ZNF407: variants seen among roughly 807,000 people sequenced by gnomAD.
The protein encoded by ZNF407 is zinc finger protein 407.
ZNF407 carries 17 observed loss-of-function variants against 131.2 expected under a neutral mutation model. That is an observed-to-expected ratio of 0.13 (90% CI 0.09 to 0.19). The LOEUF is 0.19. ZNF407 is among the 10% of genes least tolerant of loss of function. ZNF407 has a pLI of 1.00. For missense variants in ZNF407, 2,681 were observed against 2,830.6 expected (o/e 0.95, Z 1.20); for synonymous variants, 1,156 against 1,062.0 (o/e 1.09, Z -1.72).
At chr18:74,781,630 T>C in intron 4 of ZNF407, 128 bp downstream of exon 4, 2 of 623,210 alleles carry the variant, frequency 3.2e-6, no homozygotes, top group South Asian at 5.9e-5. Flanking sequence ...TGGTACTCTT[T>C]TGTCAAATAT....
At chr18:74,834,649 A>G (rs1970530865) in intron 4 of ZNF407, among the ~76,000 whole-genome samples, 2 of 152,184 alleles carry the variant, frequency 1.3e-5, no homozygotes, top group African/African-American at 2.4e-5. Flanking sequence ...CCAGTCAGAT[A>G]TATTTGATGA....
rs537463419 is a variant in ZNF407, at chr18:74,676,587, C to T, written c.4802+35465C>T. Reference sequence around the variant, plus strand: ...GAGTAGCTGGGACTACAGGCGCCCACCACCGTGCCCGGGTAATTTTGTATT... The same window carrying T: ...GAGTAGCTGGGACTACAGGCGCCCATCACCGTGCCCGGGTAATTTTGTATT... On this transcript the variant is annotated intron_variant, in intron 3 of 8. Coordinates refer to ENST00000299687, the MANE Select transcript of ZNF407 (RefSeq NM_017757.3). Among the ~76,000 whole-genome samples the T allele has an allele frequency of 5.7e-3, 856 of 150,386 alleles. 7 individuals are homozygous for T. The highest frequency in any genetic ancestry group is 0.027 in the South Asian group (125 of 4,684).
At chr18:74,960,035 G>A (rs1972321030) in intron 8 of ZNF407, among the ~76,000 whole-genome samples, 1 of 152,156 alleles carries the variant, frequency 6.6e-6, no homozygotes, top group Non-Finnish European at 1.5e-5. Flanking sequence ...TTTTCTAGTG[G>A]CTTTATATTC....
intron 8 of ZNF407, among the ~76,000 whole-genome samples, chr18:75,007,756 A>G (rs1040203882): frequency 2.0e-5 from 3 of 152,198 alleles, no homozygotes; most frequent in African/African-American, 7.2e-5. Context: ...CTGCCTTCAC[A>G]GAGTTCTTAA....
In ZNF407 at chr18:74,663,236, C is replaced by T. The variant is rs150417316; in HGVS notation, c.4802+22114C>T. The stretch of plus-strand genomic sequence containing the variant: ...GGAACGTCCATTTTAGATGCTTGTC[C>T]CCGGGTAGCTCTTATTTATGTGTAC... On this transcript the variant is annotated intron_variant, in intron 3 of 8. Coordinates refer to ENST00000299687, the MANE Select transcript of ZNF407 (RefSeq NM_017757.3). Among the ~76,000 whole-genome samples, 923 of 152,106 alleles carry T rather than the reference C, an allele frequency of 6.1e-3. 3 individuals carry two copies. The highest frequency in any genetic ancestry group is 9.0e-3 in the Non-Finnish European group (613 of 68,004).
intron 8 of ZNF407, among the ~76,000 whole-genome samples, chr18:75,043,181 T>TGATC (rs1728180279): frequency 6.6e-6 from 1 of 152,210 alleles, no homozygotes; most frequent in Admixed American, 6.5e-5. Flanking sequence ...GCACTTGGCA[T>TGATC]GATCGGTCTT....
intron 3 of ZNF407, among the ~76,000 whole-genome samples, chr18:74,662,164 C>A (rs957346761): frequency 4.6e-5 from 7 of 151,906 alleles, no homozygotes; most frequent in Non-Finnish European, 1.0e-4. Context: ...TCTGTGAAAC[C>A]TTTTCTGTTT....
intron 3 of ZNF407, among the ~76,000 whole-genome samples, chr18:74,780,379 A>T (rs1242040783): frequency 6.6e-6 from 1 of 152,182 alleles, no homozygotes; most frequent in Non-Finnish European, 1.5e-5. Context: ...TTACAGTCTT[A>T]TGTGGCTCAT....
chr18:74,632,933 G>A lies in ZNF407; in HGVS notation c.1914G>A (p.Lys638=), dbSNP rs1173258210. The change falls in exon 2 of 9, where the codon AAG becomes AAA. Residue 638 remains lysine, a synonymous_variant. Coordinates refer to ENST00000299687, the MANE Select transcript of ZNF407 (RefSeq NM_017757.3). ...KDVEEHKATE[K]HINSLVQPKT... is the part of the protein sequence containing the mutation. ...TGGAAGAACACAAAGCCACCGAGAA[G>A]CATATTAATTCATTGGTTCAACCAA... is the stretch of plus-strand genomic sequence containing the variant. The A allele has an allele frequency of 1.9e-6, 3 of 1,613,108 alleles. No homozygotes were observed. The highest frequency in any genetic ancestry group is 2.2e-5 in the South Asian group (2 of 91,034).
intron 8 of ZNF407, among the ~76,000 whole-genome samples, chr18:74,943,438 T>G (rs970543533): frequency 1.3e-5 from 2 of 152,192 alleles, no homozygotes; most frequent in Admixed American, 6.5e-5. Flanking sequence ...TTTCACAGTA[T>G]TTTTGAAGGG....
At chr18:74,764,025 T>C (rs555525020) in intron 3 of ZNF407, among the ~76,000 whole-genome samples, 1 of 152,154 alleles carries the variant, frequency 6.6e-6, no homozygotes, top group South Asian at 2.1e-4. Context: ...CTTTGATCTT[T>C]TGTATATAAC....
chr18:74,725,818 A>G (rs1040900483), intron 3 of ZNF407, among the ~76,000 whole-genome samples: 1 of 152,180 alleles, frequency 6.6e-6, no homozygotes, highest in Non-Finnish European at 1.5e-5. Context: ...ATTAAGCAAT[A>G]CTTGTTAATG....
chr18:74,941,180 T>C (rs960128552), intron 8 of ZNF407, among the ~76,000 whole-genome samples: 1 of 152,180 alleles, frequency 6.6e-6, no homozygotes, highest in African/African-American at 2.4e-5. Flanking sequence ...AAAACTGACA[T>C]CCAGTGGTTT....
At chr18:74,739,691 G>T (rs527532160) in intron 3 of ZNF407, among the ~76,000 whole-genome samples, 1 of 151,850 alleles carries the variant, frequency 6.6e-6, no homozygotes, top group African/African-American at 2.4e-5. Context: ...TATATGAATC[G>T]TAATTATAAG....
chr18:74,814,903 A>G (rs1970246400), intron 4 of ZNF407, among the ~76,000 whole-genome samples: 1 of 152,034 alleles, frequency 6.6e-6, no homozygotes, highest in Non-Finnish European at 1.5e-5. Flanking sequence ...TATGAAATAT[A>G]CAGTACATTT....
At chr18:74,829,447 G>A (rs896252386) in intron 4 of ZNF407, among the ~76,000 whole-genome samples, 1 of 152,152 alleles carries the variant, frequency 6.6e-6, no homozygotes, top group African/African-American at 2.4e-5. Context: ...ATCTTGGAGA[G>A]CAACTCCTGG....
intron 8 of ZNF407, among the ~76,000 whole-genome samples, chr18:75,027,818 G>C (rs891008886): frequency 6.6e-6 from 1 of 152,204 alleles, no homozygotes; most frequent in Admixed American, 6.5e-5. Context: ...CAGTATAAAA[G>C]AAGTGAAGGA....
intron 3 of ZNF407, 132 bp downstream of exon 3, chr18:74,641,254 A>G (rs2144689306): frequency 1.5e-6 from 1 of 648,054 alleles, no homozygotes; most frequent in African/African-American, 1.8e-5. Flanking sequence ...TTCCATTGTT[A>G]TGGTAAATTC....
chr18:75,041,354 T>G (rs1467959790), intron 8 of ZNF407, among the ~76,000 whole-genome samples: 1 of 152,218 alleles, frequency 6.6e-6, no homozygotes, highest in East Asian at 1.9e-4. Context: ...TAGGAAAAGC[T>G]GTAGGGTTTC....
Sources: gnomAD v4.1 joint callset for allele counts (sites outside exome capture counted in the v4.1 genomes callset) on GRCh38, gnomAD v4.1.1 for gene constraint, MANE v1.5 for transcripts, NCBI Gene and HGNC (gene_info 2026-07-23, HGNC 2026-07-21) for gene names.